Variants in LIPH observed in about 807,000 individuals in gnomAD.
LIPH encodes lipase member H.
Under a neutral mutation model 47.6 loss-of-function variants are expected in LIPH, and 32 were observed. That is an observed-to-expected ratio of 0.67 (90% CI 0.51 to 0.90). The LOEUF (loss-of-function observed/expected upper bound fraction) is 0.90. LIPH is among the 40% of genes least tolerant of loss of function. LIPH has a pLI of 0.00. For missense variants in LIPH, 497 were observed against 541.4 expected, an observed-to-expected ratio of 0.92 and a Z score of 0.81; for synonymous variants, 190 against 195.6, an observed-to-expected ratio of 0.97 and a Z score of 0.24.
At chr3:185,515,939 A>T (rs1296891822) in intron 7 of LIPH, among the ~76,000 whole-genome samples, 4 of 152,066 alleles carry the variant, frequency 2.6e-5, no homozygotes, top group African/African-American at 9.7e-5. Flanking sequence ...AGACCAGCCT[A>T]TGCAACATAG....
chr3:185,518,050 A>G (rs2030579), intron 6 of LIPH, among the ~76,000 whole-genome samples: 14,542 of 152,100 alleles, frequency 0.096, 1,274 homozygotes, highest in African/African-American at 0.24. Context: ...TTGTCAGGAG[A>G]GTCTCTGGGC....
At chr3:185,509,001 A>C (rs182507153) in intron 9 of LIPH, 124 bp from the exon 10 acceptor site, 75 of 720,478 alleles carry the variant, frequency 1.0e-4, no homozygotes, top group Non-Finnish European at 1.8e-4. Flanking sequence ...GAAAACACTT[A>C]CGGTGGCCAG....
chr3:185,546,488 C>A (rs1288067228), intron 1 of LIPH, among the ~76,000 whole-genome samples: 1 of 151,914 alleles, frequency 6.6e-6, no homozygotes, highest in Non-Finnish European at 1.5e-5. Flanking sequence ...ATGGCAACAC[C>A]CATCTCTTTA....
chr3:185,529,377 G>A (rs1720236402), intron 3 of LIPH, among the ~76,000 whole-genome samples: 1 of 148,586 alleles, frequency 6.7e-6, no homozygotes, highest in African/African-American at 2.5e-5. Flanking sequence ...ATGCAAGAGT[G>A]TCTTTGCCTT....
intron 3 of LIPH, among the ~76,000 whole-genome samples, chr3:185,529,186 A>AAAG (rs1366364802): frequency 6.8e-6 from 1 of 147,466 alleles, no homozygotes; most frequent in African/African-American, 2.5e-5. Flanking sequence ...CAAAAAAAAA[A>AAAG]AAAAAAGAAA....
intron 5 of LIPH, among the ~76,000 whole-genome samples, chr3:185,522,363 G>A (rs1719918010): frequency 6.6e-6 from 1 of 152,086 alleles, no homozygotes; most frequent in South Asian, 2.1e-4. Context: ...TGACGTTATT[G>A]CTGTCAGGTG....
At chr3:185,532,930 T>A (rs1317521059) in intron 3 of LIPH, among the ~76,000 whole-genome samples, 1 of 152,208 alleles carries the variant, frequency 6.6e-6, no homozygotes, top group Non-Finnish European at 1.5e-5. Flanking sequence ...CCTTTTCAGT[T>A]TCCATAGATT....
intron 1 of LIPH, among the ~76,000 whole-genome samples, chr3:185,536,790 A>G (rs1285475391): frequency 1.3e-5 from 2 of 152,240 alleles, no homozygotes; most frequent in African/African-American, 4.8e-5. Context: ...TCGTTACTTA[A>G]CAATTAGTGA....
intron 1 of LIPH, among the ~76,000 whole-genome samples, chr3:185,543,037 C>T (rs1026286447): frequency 6.6e-6 from 1 of 151,918 alleles, no homozygotes; most frequent in African/African-American, 2.4e-5. Flanking sequence ...GGCAAAACCC[C>T]GTCTCTACTA....
rs1221296250 is a variant in LIPH, at chr3:185,506,414, C to T, written c.*2376G>A. The T allele has an allele frequency of 6.6e-6, 1 of 152,140 alleles. No individual in the cohort carries two copies. Among genetic ancestry groups the T allele is most frequent in the Non-Finnish European group, 1.5e-5 (1 of 68,024 alleles). The allele number at this position is 152,140 out of a possible 1,614,324, so 9.4% of individuals were successfully genotyped here. On this transcript the variant is annotated 3_prime_UTR_variant, in exon 10 of 10. Transcript: ENST00000296252. ...AGCCAGGTACTGAGAGCTAGGAGAC[C>T]CACGAGCCTAGAGTTTACAAAGTAG...
intron 8 of LIPH, among the ~76,000 whole-genome samples, chr3:185,513,338 CAAA>C (rs56090966): frequency 1.4e-4 from 15 of 109,784 alleles, no homozygotes; most frequent in Admixed American, 1.9e-4. Flanking sequence ...GGCTCTGTCT[CAAA>C]AAAAAAAAAA....
chr3:185,547,838 A>G lies in LIPH; in HGVS notation c.49+4585T>C, dbSNP rs550063875. ...AAAACTCCATCTCCAAAAAAAAAAA[A>G]AAGAAGAAGAAAGAAAGAAAGTATT... On this transcript the variant is annotated intron_variant, in intron 1 of 9. Transcript: ENST00000296252. Among the ~76,000 whole-genome samples the G allele has an allele frequency of 1.6e-4, 25 of 152,102 alleles. No individual in the cohort carries two copies. The East Asian group carries it at 4.3e-3, about 26-fold the overall frequency.
At chr3:185,532,151 C>A (rs1720350237) in intron 3 of LIPH, among the ~76,000 whole-genome samples, 1 of 152,194 alleles carries the variant, frequency 6.6e-6, no homozygotes, top group Admixed American at 6.5e-5. Context: ...TTGCATGCAA[C>A]TTCACGGCCT....
intron 1 of LIPH, among the ~76,000 whole-genome samples, chr3:185,547,804 A>C (rs1423829250): frequency 1.3e-5 from 2 of 151,518 alleles, no homozygotes; most frequent in African/African-American, 4.9e-5. Flanking sequence ...CAGCCTGGGC[A>C]ACAAGAGCAA....
chr3:185,538,787 A>G (rs1056565288), intron 1 of LIPH, among the ~76,000 whole-genome samples: 46 of 19,584 alleles, frequency 2.3e-3, no homozygotes, highest in African/African-American at 5.2e-3. Context: ...ACACACATAT[A>G]TACATATATA....
chr3:185,543,038 G>T (rs960045049), intron 1 of LIPH, among the ~76,000 whole-genome samples: 2 of 151,532 alleles, frequency 1.3e-5, no homozygotes, highest in Non-Finnish European at 2.9e-5. Flanking sequence ...GCAAAACCCC[G>T]TCTCTACTAA....
chr3:185,513,320 C>T (rs1719628610), intron 8 of LIPH, among the ~76,000 whole-genome samples: 1 of 139,934 alleles, frequency 7.1e-6, no homozygotes, highest in Non-Finnish European at 1.5e-5. Context: ...AGCCTGGTGA[C>T]AGGGCAAGGC....
chr3:185,539,726 C>T (rs1475971357), intron 1 of LIPH, among the ~76,000 whole-genome samples: 2 of 152,206 alleles, frequency 1.3e-5, no homozygotes, highest in African/African-American at 4.8e-5. Flanking sequence ...ATGACCCACT[C>T]TCAGATCCTT....
chr3:185,537,871 G>A (rs1560168973), intron 1 of LIPH, among the ~76,000 whole-genome samples: 1 of 152,118 alleles, frequency 6.6e-6, no homozygotes, highest in Non-Finnish European at 1.5e-5. Context: ...GCAGTGGCAC[G>A]ATCTCAGCTC....
Sources: allele counts gnomAD v4.1 joint callset (sites outside exome capture counted in the v4.1 genomes callset), GRCh38; gene constraint gnomAD v4.1.1; transcripts MANE v1.5; gene names NCBI Gene and HGNC (gene_info 2026-07-23, HGNC 2026-07-21).